Variants in RIGI observed in about 807,000 individuals in gnomAD.
RIGI encodes the protein antiviral innate immune response receptor RIG-I.
At chr9:32,499,312 A>C in the RIGI span, among the ~76,000 whole-genome samples, 1 of 32,322 alleles carries the variant, frequency 3.1e-5, no homozygotes, top group Non-Finnish European at 5.7e-5. Flanking sequence ...AGAGTTTGTG[A>C]TTTGTTTTTT....
the RIGI span, among the ~76,000 whole-genome samples, chr9:32,520,825 A>C: frequency 3.0e-5 from 1 of 33,060 alleles, no homozygotes; most frequent in South Asian, 1.4e-3. Context: ...GTGGTGGCTC[A>C]GGCTGGGCGT....
At chr9:32,459,240 T>C in the RIGI span, 1 of 1,191,000 alleles carries the variant, frequency 8.4e-7, no homozygotes, top group South Asian at 1.4e-5. Context: ...CTTCTTAGCT[T>C]TTTTTAAATA....
chr9:32,491,182 T>G, the RIGI span: 3 of 1,145,024 alleles, frequency 2.6e-6, no homozygotes, highest in Non-Finnish European at 2.5e-6. Context: ...TCTCTTTACT[T>G]TCTTAATTTT....
chr9:32,504,314 C>T, the RIGI span, among the ~76,000 whole-genome samples: 1 of 152,020 alleles, frequency 6.6e-6, no homozygotes. Context: ...AAATATGAGT[C>T]AAAAGTTTTA....
the RIGI span, among the ~76,000 whole-genome samples, chr9:32,499,063 T>G: frequency 6.6e-6 from 1 of 152,028 alleles, no homozygotes; most frequent in Non-Finnish European, 1.5e-5. Flanking sequence ...GTTTTGCTAT[T>G]CAGTAGTTAT....
chr9:32,521,139 C>CAA, the RIGI span, among the ~76,000 whole-genome samples: 44 of 32,558 alleles, frequency 1.4e-3, no homozygotes, highest in South Asian at 2.3e-3. Context: ...GACACCATCT[C>CAA]AAAAAAAAAA....
chr9:32,510,647 A>G, the RIGI span, among the ~76,000 whole-genome samples: 1 of 152,266 alleles, frequency 6.6e-6, no homozygotes, highest in Non-Finnish European at 1.5e-5. Context: ...CAAATTGTAA[A>G]GACCATCGAC....
chr9:32,494,309 A>C, the RIGI span, among the ~76,000 whole-genome samples: 2 of 152,184 alleles, frequency 1.3e-5, no homozygotes, highest in Non-Finnish European at 2.9e-5. Context: ...CTCAGTGGAA[A>C]GCAGTAAAGA....
chr9:32,520,950 A>T, the RIGI span, among the ~76,000 whole-genome samples: 6 of 152,150 alleles, frequency 3.9e-5, no homozygotes, highest in Admixed American at 3.9e-4. Context: ...GTTGGAGACC[A>T]GCCTGGCCAA....
chr9:32,520,775 T>C, the RIGI span, among the ~76,000 whole-genome samples: 1 of 152,160 alleles, frequency 6.6e-6, no homozygotes, highest in African/African-American at 2.4e-5. Context: ...CTCTACTCTT[T>C]AATAGGAAAT....
At chr9:32,503,870 C>T in the RIGI span, among the ~76,000 whole-genome samples, 4,376 of 151,730 alleles carry the variant, frequency 0.029, 176 homozygotes, top group African/African-American at 0.087. Context: ...GGTGAAACCC[C>T]GTCTCTACTA....
chr9:32,514,998 C>T, the RIGI span, among the ~76,000 whole-genome samples: 1 of 152,104 alleles, frequency 6.6e-6, no homozygotes, highest in South Asian at 2.1e-4. Flanking sequence ...ATAGGGGCAA[C>T]TTTGTTTTAC....
the RIGI span, among the ~76,000 whole-genome samples, chr9:32,516,404 C>T: frequency 6.6e-3 from 1,009 of 152,282 alleles, 13 homozygotes; most frequent in African/African-American, 0.023. Flanking sequence ...GGCCAAACCC[C>T]TGGTGCTTCA....
chr9:32,486,465 A>AG, the RIGI span, among the ~76,000 whole-genome samples: 1 of 151,710 alleles, frequency 6.6e-6, no homozygotes, highest in African/African-American at 2.4e-5. Context: ...AAAAAAAAAA[A>AG]AAAAAAAAGA....
the RIGI span, among the ~76,000 whole-genome samples, chr9:32,496,040 A>G: frequency 0.2 from 30,215 of 151,928 alleles, 3,253 homozygotes; most frequent in Non-Finnish European, 0.26. Context: ...CTCTCATTCC[A>G]TGGGTTGACT....
At chr9:32,484,270 G>C in the RIGI span, among the ~76,000 whole-genome samples, 1 of 152,158 alleles carries the variant, frequency 6.6e-6, no homozygotes, top group Non-Finnish European at 1.5e-5. Context: ...ATGGAAGAGA[G>C]AGCAGAGGTA....
chr9:32,467,015 G>C, the RIGI span, among the ~76,000 whole-genome samples: 1 of 152,206 alleles, frequency 6.6e-6, no homozygotes, highest in Admixed American at 6.5e-5. Flanking sequence ...GATATAAAAG[G>C]TTATAGGCTT....
At chr9:32,498,867 C>A in the RIGI span, among the ~76,000 whole-genome samples, 1 of 151,488 alleles carries the variant, frequency 6.6e-6, no homozygotes, top group Admixed American at 6.6e-5. Context: ...CCTGTAATCC[C>A]AGCTACTCAG....
chr9:32,493,820 C>T, the RIGI span: 38 of 1,610,190 alleles, frequency 2.4e-5, no homozygotes, highest in East Asian at 5.6e-4. Context: ...GAAATGATAT[C>T]GGTTGGGATA....
Sources: allele counts gnomAD v4.1 joint callset (sites outside exome capture counted in the v4.1 genomes callset), GRCh38; gene constraint gnomAD v4.1.1; transcripts MANE v1.5; gene names NCBI Gene and HGNC (gene_info 2026-07-23, HGNC 2026-07-21).